RAD54L2: variants seen among roughly 807,000 people sequenced by gnomAD.
RAD54L2 encodes helicase ARIP4.
RAD54L2 carries 27 observed loss-of-function variants against 138.4 expected under a neutral mutation model. That is an observed-to-expected ratio of 0.20 (90% CI 0.14 to 0.27). The LOEUF is 0.27. Among genes scored for constraint, RAD54L2 ranks in the 10% least tolerant of loss-of-function variants. The pLI, the probability that RAD54L2 is intolerant of heterozygous loss-of-function variation, is 1.00. For missense variants in RAD54L2, 1,396 were observed against 1,890.2 expected (o/e 0.74, Z 4.85); for synonymous variants, 644 against 723.2 (o/e 0.89, Z 1.76).
intron 2 of RAD54L2, among the ~76,000 whole-genome samples, chr3:51,585,155 T>C (rs1361368633): frequency 1.3e-5 from 2 of 151,998 alleles, no homozygotes; most frequent in Non-Finnish European, 2.9e-5. Flanking sequence ...GTAAATTAGC[T>C]CAAATCCAGT....
rs1188238889 is a variant in RAD54L2, at chr3:51,637,588, G to A, written c.1682+85G>A. The A allele has an allele frequency of 9.5e-6, 13 of 1,362,768 alleles. No homozygotes were observed. In the East Asian group the frequency reaches 2.5e-4, roughly 26 times the overall value. 84.4% of individuals were successfully genotyped at this position (1,362,768 alleles called of 1,614,324 possible). A position where few individuals can be genotyped will look rare whatever the true frequency, so the allele number is the denominator to read the frequency against. ...TGCCAAACCTGTTATACAGGATAGG[G>A]TGTTGGAGTAGGAGGGCCCCTTCCC... On this transcript the variant is annotated intron_variant, in intron 11 of 22. Coordinates refer to ENST00000684192, the MANE Select transcript of RAD54L2 (RefSeq NM_015106.4). The surrounding 1 kb of genome is among the most constrained non-coding windows in gnomAD (Gnocchi z 5.9).
intron 2 of RAD54L2, among the ~76,000 whole-genome samples, chr3:51,582,574 C>G (rs994578625): frequency 6.6e-6 from 1 of 151,836 alleles, no homozygotes; most frequent in Admixed American, 6.6e-5. Context: ...CCCTCCACCC[C>G]CCACAACTCT....
chr3:51,597,186 A>C (rs1445088931), intron 3 of RAD54L2, among the ~76,000 whole-genome samples: 1 of 151,168 alleles, frequency 6.6e-6, no homozygotes, highest in Non-Finnish European at 1.5e-5. Context: ...AAAAAAAAAA[A>C]AAACCCCACA....
At chr3:51,606,758 C>T (rs1487524831) in intron 3 of RAD54L2, among the ~76,000 whole-genome samples, 1 of 151,952 alleles carries the variant, frequency 6.6e-6, no homozygotes, top group Admixed American at 6.6e-5. Context: ...TCTTGGCTCG[C>T]TGCAACCTCC....
chr3:51,618,158 T>G (rs988678125), intron 3 of RAD54L2, among the ~76,000 whole-genome samples: 5 of 142,044 alleles, frequency 3.5e-5, no homozygotes, highest in Admixed American at 7.2e-5. Context: ...TTTTTTTAAG[T>G]GGAGACAGGG....
intron 2 of RAD54L2, among the ~76,000 whole-genome samples, chr3:51,563,698 A>T (rs1699150047): frequency 6.6e-6 from 1 of 151,842 alleles, no homozygotes; most frequent in South Asian, 2.1e-4. Flanking sequence ...TTTTTTATTT[A>T]TTTTTTTCTG....
intron 3 of RAD54L2, among the ~76,000 whole-genome samples, chr3:51,607,391 A>G (rs1700211007): frequency 6.6e-6 from 1 of 152,204 alleles, no homozygotes; most frequent in Non-Finnish European, 1.5e-5. Flanking sequence ...CTTAGTGGAC[A>G]CAGCACATGT....
At chr3:51,571,009 C>T (rs769424937) in intron 2 of RAD54L2, among the ~76,000 whole-genome samples, 3 of 151,902 alleles carry the variant, frequency 2.0e-5, no homozygotes, top group South Asian at 4.2e-4. Context: ...TTAGTAAAGA[C>T]GGGGTTTCAC....
intron 7 of RAD54L2, 85 bp downstream of exon 7, chr3:51,631,016 G>A: frequency 2.3e-6 from 3 of 1,332,522 alleles, no homozygotes; most frequent in Non-Finnish European, 3.1e-6. Context: ...TAGCGTCACA[G>A]CCTGTGAAGT....
intron 15 of RAD54L2, 141 bp from the exon 16 acceptor site, chr3:51,643,733 AC>A: frequency 2.9e-6 from 2 of 685,000 alleles, no homozygotes; most frequent in Non-Finnish European, 5.2e-6. Flanking sequence ...CTTACTGTAG[AC>A]CCATGATACG....
intron 3 of RAD54L2, among the ~76,000 whole-genome samples, chr3:51,601,990 C>G (rs1285673483): frequency 6.6e-6 from 1 of 150,946 alleles, no homozygotes; most frequent in African/African-American, 2.4e-5. Context: ...GCCACCATGC[C>G]CAGCTAAGTT....
chr3:51,630,239 T>C lies in RAD54L2; in HGVS notation c.482-33T>C, dbSNP rs748808004. 5 of 1,569,370 alleles carry C rather than the reference T, an allele frequency of 3.2e-6. No homozygotes were observed. In the Admixed American group the frequency reaches 6.7e-5, roughly 21 times the overall value. ...AATATGTTAGAGCCAAATGTGGTCT[T>C]GACACCGTTCCCTTCCATTTTGCTT... On this transcript the variant is annotated intron_variant, in intron 5 of 22. Coordinates refer to ENST00000684192, the MANE Select transcript of RAD54L2 (RefSeq NM_015106.4).
rs201015275 is a variant in RAD54L2 at position 51,587,478 on chromosome 3, T to C, written c.-54-2889T>C. Among the ~76,000 whole-genome samples the C allele has an allele frequency of 1.4e-4, 22 of 152,278 alleles. No individual in the cohort carries two copies. In the East Asian group the frequency reaches 3.3e-3, roughly 23 times the overall value. On this transcript the variant is annotated intron_variant, in intron 2 of 22. Transcript: ENST00000684192. The stretch of plus-strand genomic sequence containing the variant: ...GTAGCTCAGCATTAACTATATGAAT[T>C]TGTATTTGTCGATCACATTTATCCC...
At chr3:51,575,649 T>C (rs996093543) in intron 2 of RAD54L2, among the ~76,000 whole-genome samples, 1 of 152,204 alleles carries the variant, frequency 6.6e-6, no homozygotes, top group African/African-American at 2.4e-5. Context: ...GCTCTCTGTT[T>C]GTCTGTCATT....
rs923493099 is a variant in RAD54L2, at chr3:51,572,985, A to ATG, written c.-54-17370_-54-17369dup. Among the ~76,000 whole-genome samples, 7 of 152,008 alleles carry ATG rather than the reference A, an allele frequency of 4.6e-5. No individual in the cohort carries two copies. The East Asian group carries it at 7.7e-4, about 17-fold the overall frequency. The stretch of plus-strand genomic sequence containing the variant: ...ACTCTTATTTCTACAATGCTAAGAT[A>ATG]TGTGTGTGTGTGTATGTGTGTGTGT... On this transcript the variant is annotated intron_variant, in intron 2 of 22. Coordinates refer to ENST00000684192, the MANE Select transcript of RAD54L2 (RefSeq NM_015106.4).
chr3:51,664,014 A>C lies in RAD54L2; in HGVS notation c.*594A>C, dbSNP rs969306293. 2 of 144,158 alleles carry C rather than the reference A, an allele frequency of 1.4e-5. No homozygotes were observed. The highest frequency in any genetic ancestry group is 3.0e-5 in the Non-Finnish European group (2 of 65,766). 8.9% of individuals were successfully genotyped at this position (144,158 alleles called of 1,614,324 possible). A position where few individuals can be genotyped will look rare whatever the true frequency, so the allele number is the denominator to read the frequency against. On this transcript the variant is annotated 3_prime_UTR_variant, in exon 23 of 23. Coordinates refer to ENST00000684192, the MANE Select transcript of RAD54L2 (RefSeq NM_015106.4). ...GGAACAGAGCAGGGGTGAAGGTGGG[A>C]GGGGAGGGAGGGAAGAACTAAGAGG...
At chr3:51,592,631 A>G (rs1699863697) in intron 3 of RAD54L2, among the ~76,000 whole-genome samples, 1 of 151,164 alleles carries the variant, frequency 6.6e-6, no homozygotes, top group South Asian at 2.1e-4. Flanking sequence ...CTGGAGTGCA[A>G]TGGCGCGATC....
chr3:51,662,637 C>T lies in RAD54L2; in HGVS notation c.3621C>T (p.Ala1207=), dbSNP rs747548309. The change falls in exon 23 of 23, where the codon GCC becomes GCT. Residue 1207 remains alanine, a synonymous_variant. Transcript: ENST00000684192. The surrounding 1 kb of genome is among the most constrained non-coding windows in gnomAD (Gnocchi z 4.6). ...ATGCCGCCCTGCCTGGCCCCCCGGC[C>T]CAACTTATGGACAGCAGTGCTGTTC... The part of the protein sequence containing the change: ...STNAALPGPP[A]QLMDSSAVPG... The T allele has an allele frequency of 1.2e-6, 2 of 1,612,638 alleles. No homozygotes were observed. The highest frequency in any genetic ancestry group is 4.5e-5 in the East Asian group (2 of 44,870).
chr3:51,540,842 A>G (rs1319747033), intron 1 of RAD54L2, among the ~76,000 whole-genome samples: 3 of 152,130 alleles, frequency 2.0e-5, no homozygotes, highest in Non-Finnish European at 2.9e-5. Context: ...ACATGAGGTC[A>G]GGAGATTGAG....
Sources: allele counts gnomAD v4.1 joint callset (sites outside exome capture counted in the v4.1 genomes callset), GRCh38; gene constraint gnomAD v4.1.1; non-coding constraint Gnocchi (gnomAD v3.1); transcripts MANE v1.5; gene names NCBI Gene and HGNC (gene_info 2026-07-23, HGNC 2026-07-21).